The following POLRMT variants were observed in gnomAD, a reference collection of about 807,000 sequenced individuals.
POLRMT encodes the protein RNA polymerase mitochondrial, also known as DNA-directed RNA polymerase, mitochondrial.
A neutral mutation model predicts 132.2 loss-of-function variants in POLRMT; 114 were observed. The observed-to-expected ratio is 0.86, with a 90% CI of 0.74 to 1.01. The LOEUF is 1.01. POLRMT is among the 50% of genes least tolerant of loss of function. The probability of loss-of-function intolerance (pLI) is 0.00; values close to 1 mark genes in which losing one functional copy is unlikely to be tolerated. For synonymous variants in POLRMT, 1,020 were observed against 773.4 expected (o/e 1.32, Z -5.29); for missense variants, 2,003 against 1,729.1 (o/e 1.16, Z -2.81).
At chr19:633,077 G>T in intron 1 of POLRMT, 139 bp from the exon 2 acceptor site, 4 of 695,538 alleles carry the variant, frequency 5.8e-6, no homozygotes, top group Non-Finnish European at 8.9e-6. Context: ...AAGTTGGAAA[G>T]AAACTAAGAC....
rs757129827 is a variant in POLRMT at position 618,712 on chromosome 19, TGTCTCC to T, written c.3310_3315del (p.Gly1104_Asp1105del). 6.2e-7 allele frequency: 1 copy of T among 1,607,898 alleles called. No individual in the cohort carries two copies. Among genetic ancestry groups the T allele is most frequent in the Non-Finnish European group, 8.5e-7 (1 of 1,177,502 alleles). The stretch of plus-strand genomic sequence containing the variant: ...CCCGGGCCCCCCACTCACCGGCTGA[TGTCTCC>T]GTTGTGGGTGTAGGTGATGCTCTGA... On this transcript the variant is annotated inframe_deletion, in exon 16 of 21. Coordinates refer to ENST00000588649, the MANE Select transcript of POLRMT (RefSeq NM_005035.4).
chr19:622,806 C>G lies in POLRMT; in HGVS notation c.1455+15G>C. On this transcript the variant is annotated intron_variant, in intron 7 of 20. Transcript: ENST00000588649. ...CGCCCCGCCCGGGGACCCGGCCGCG[C>G]GGAGGAAGACGCACCTGCAGGAGCA... The G allele has an allele frequency of 6.3e-7, 1 of 1,579,090 alleles. No homozygotes were observed. The highest frequency in any genetic ancestry group is 8.6e-7 in the Non-Finnish European group (1 of 1,163,726).
chr19:617,241 C>G lies in POLRMT; in HGVS notation c.*33G>C. The G allele has an allele frequency of 6.2e-7, 1 of 1,611,312 alleles. No individual in the cohort carries two copies. The highest frequency in any genetic ancestry group is 8.5e-7 in the Non-Finnish European group (1 of 1,179,174). ...GTGGCTCCTGGGGGTGGCAAAAGAG[C>G]TTTATTTACACACTGACAAGGCTCA... On this transcript the variant is annotated 3_prime_UTR_variant, in exon 21 of 21. Transcript: ENST00000588649.
In POLRMT at chr19:619,726, G is replaced by A. The variant is rs1411244620; in HGVS notation, c.2926C>T (p.Arg976Trp). The change falls in exon 13 of 21, where the codon CGG becomes TGG. Residue 976 changes from arginine to tryptophan, a missense_variant. Coordinates refer to ENST00000588649, the MANE Select transcript of POLRMT (RefSeq NM_005035.4). ...FRRQDAQRGM[R>W]VAQVLEGFIT... is the part of the protein sequence containing the mutation. ...AAACCTTCCAGCACCTGTGCCACCCGCATGCCCCGCTGGGCGTCCTGCCTA... is the reference window on the plus strand; with the variant it reads ...AAACCTTCCAGCACCTGTGCCACCCACATGCCCCGCTGGGCGTCCTGCCTA... 4 of 1,599,460 alleles carry A rather than the reference G, an allele frequency of 2.5e-6. 1 individual carries two copies. The highest frequency in any genetic ancestry group is 2.2e-5 in the South Asian group (2 of 89,950).
At chr19:624,577 C>CA (rs768277260) in intron 5 of POLRMT, 142 bp downstream of exon 5, 438 of 968,554 alleles carry the variant, frequency 4.5e-4, no homozygotes, top group Non-Finnish European at 6.0e-4. Context: ...CCCATCTTCT[C>CA]AGAGGAGGAA....
chr19:618,776 G>C lies in POLRMT; in HGVS notation c.3268-16C>G, dbSNP rs755137639. ...CTCCTATTTGCTAAAAAGGGGAAGG[G>C]GCCGGTGAGTCCCACCCGAGGCCCA... On this transcript the variant is annotated splice_polypyrimidine_tract_variant and intron_variant, in intron 15 of 20. Transcript: ENST00000588649. 3.8e-6 allele frequency: 6 copies of C among 1,586,264 alleles called. No homozygotes were observed. The highest frequency in any genetic ancestry group is 5.1e-6 in the Non-Finnish European group (6 of 1,167,352).
chr19:617,250 C>T lies in POLRMT; in HGVS notation c.*24G>A, dbSNP rs1244869488. On this transcript the variant is annotated 3_prime_UTR_variant, in exon 21 of 21. Transcript: ENST00000588649. Reference sequence around the variant, plus strand: ...GGGGGTGGCAAAAGAGCTTTATTTACACACTGACAAGGCTCACGGGGTGTC... The same window carrying T: ...GGGGGTGGCAAAAGAGCTTTATTTATACACTGACAAGGCTCACGGGGTGTC... 3.7e-6 allele frequency: 6 copies of T among 1,612,138 alleles called. No individual in the cohort carries two copies. The highest frequency in any genetic ancestry group is 4.5e-5 in the East Asian group (2 of 44,868).
At chr19:619,324 T>A (rs760276057) in intron 13 of POLRMT, 28 bp from the exon 14 acceptor site, 3 of 1,600,412 alleles carry the variant, frequency 1.9e-6, no homozygotes, top group Non-Finnish European at 2.6e-6. Flanking sequence ...CAGGTGCAGG[T>A]CCTCAGGGGC....
chr19:624,525 G>A (rs962187986), intron 5 of POLRMT, among the ~76,000 whole-genome samples, 194 bp downstream of exon 5: 2 of 152,014 alleles, frequency 1.3e-5, no homozygotes, highest in African/African-American at 4.8e-5. Flanking sequence ...GTCCCCCTGA[G>A]CCCACACCCT....
At position 633,134 on chromosome 19, in the gene POLRMT, G is replaced by A. The variant is rs1985551558; in HGVS notation, c.89-196C>T. 1.0e-5 allele frequency: 6 copies of A among 597,850 alleles called. No homozygotes were observed. In the Admixed American group the frequency reaches 1.1e-4, roughly 11 times the overall value. 37.0% of individuals were successfully genotyped at this position (597,850 alleles called of 1,614,324 possible). Reference sequence around the variant, plus strand: ...CCGCGGCGAACACGGGCGCGGAACCGCCGAGAGAGGGTTCCTCGCACTCGA... The same window carrying A: ...CCGCGGCGAACACGGGCGCGGAACCACCGAGAGAGGGTTCCTCGCACTCGA... On this transcript the variant is annotated intron_variant, in intron 1 of 20. Transcript: ENST00000588649.
chr19:619,627 G>C lies in POLRMT; in HGVS notation c.3025C>G (p.Gln1009Glu), dbSNP rs1464681002. 6.2e-7 allele frequency: 1 copy of C among 1,610,742 alleles called. No individual in the cohort carries two copies. Among genetic ancestry groups the C allele is most frequent in the Non-Finnish European group, 8.5e-7 (1 of 1,179,644 alleles). ...YGVTRYGGRL[Q>E]IEKRLRELSD... ...AGCTCCCGGAGGCGCTTCTCAATCT[G>C]CAGGCGCCCGCCATAGCGCGTGACC... The change falls in exon 13 of 21, where the codon CAG becomes GAG. Residue 1009 changes from glutamine (Q) to glutamate (E), a missense_variant. Transcript: ENST00000588649.
At chr19:624,329 T>C (rs1265257283) in intron 5 of POLRMT, among the ~76,000 whole-genome samples, 1 of 152,164 alleles carries the variant, frequency 6.6e-6, no homozygotes, top group Non-Finnish European at 1.5e-5. Flanking sequence ...TTTAGGGTGA[T>C]GGAACATTCT....
At chr19:633,158 G>C (rs1013438396) in intron 1 of POLRMT, 3 of 592,490 alleles carry the variant, frequency 5.1e-6, no homozygotes, top group Non-Finnish European at 8.4e-6. Flanking sequence ...CCTCGCACTC[G>C]AGGTGCAGCA....
chr19:620,562 G>C, intron 10 of POLRMT, 75 bp from the exon 11 acceptor site: 2 of 1,447,670 alleles, frequency 1.4e-6, no homozygotes, highest in South Asian at 1.4e-5. Context: ...GTGTTGCGGG[G>C]AGGTGGGAAA....
rs749135593 is a variant in POLRMT at position 633,449 on chromosome 19, G to T, written c.64C>A (p.Arg22Ser). ...GLKRALRPCG[R>S]PGLPGKEGTA... The stretch of plus-strand genomic sequence containing the variant: ...CCTTCTTTGCCGGGGAGTCCCGGGC[G>T]GCCGCAAGGCCGTAGGGCTCGTTTG... The change falls in exon 1 of 21, where the codon CGC becomes AGC. Residue 22 changes from arginine to serine, a missense_variant. Physicochemically the swap from Arg to Ser is moderately radical, Grantham distance 110. Transcript: ENST00000588649. 2.6e-5 allele frequency: 40 copies of T among 1,555,912 alleles called. No individual in the cohort carries two copies. Among genetic ancestry groups the T allele is most frequent in the Non-Finnish European group, 3.4e-5 (39 of 1,150,200 alleles).
In POLRMT at chr19:619,777, G is replaced by A. The variant is rs1984357547; in HGVS notation, c.2887-12C>T. On this transcript the variant is annotated splice_polypyrimidine_tract_variant and intron_variant, in intron 12 of 20. Coordinates refer to ENST00000588649, the MANE Select transcript of POLRMT (RefSeq NM_005035.4). ...CGGAACACCTCCACCTGCACGGCGG[G>A]TGGGCCGGGGGCGCGGGTCAGCCCC... 3.9e-6 allele frequency: 6 copies of A among 1,556,572 alleles called. No individual in the cohort carries two copies. Among genetic ancestry groups the A allele is most frequent in the African/African-American group, 1.4e-5 (1 of 73,368 alleles).
At position 617,438 on chromosome 19, in the gene POLRMT, C is replaced by A. The variant is rs376410754; in HGVS notation, c.3624G>T (p.Leu1208=). ...ILEASQLKET[L]QAVPKPGAFD... is the part of the protein sequence containing the mutation. ...GCCTACCTGGCTTGGGCACCGCCTG[C>A]AGTGTCTCCTTCAGCTGGCTGGCCT... Residue 1208 remains leucine (L), a synonymous_variant, in exon 20 of 21, where the codon CTG becomes CTT. Coordinates refer to ENST00000588649, the MANE Select transcript of POLRMT (RefSeq NM_005035.4). 2.5e-6 allele frequency: 4 copies of A among 1,611,872 alleles called. No homozygotes were observed. Among genetic ancestry groups the A allele is most frequent in the Non-Finnish European group, 2.5e-6 (3 of 1,179,802 alleles).
In POLRMT at chr19:617,247, T is replaced by G. The variant is rs1220560985; in HGVS notation, c.*27A>C. On this transcript the variant is annotated 3_prime_UTR_variant, in exon 21 of 21. Transcript: ENST00000588649. ...CCTGGGGGTGGCAAAAGAGCTTTAT[T>G]TACACACTGACAAGGCTCACGGGGT... is the stretch of plus-strand genomic sequence containing the variant. 6 of 1,611,922 alleles carry G rather than the reference T, an allele frequency of 3.7e-6. No individual in the cohort carries two copies. The highest frequency in any genetic ancestry group is 8.5e-7 in the Non-Finnish European group (1 of 1,179,506).
chr19:629,564 G>C lies in POLRMT; in HGVS notation c.798C>G (p.Ala266=), dbSNP rs762014406. ...RKLLTLDMYN[A]VMLGWARQGA... ...CCTGCCGCGCCCAGCCAAGCATCACGGCGTTGTACATGTCCAGCGTGAGCA... is the reference window on the plus strand; with the variant it reads ...CCTGCCGCGCCCAGCCAAGCATCACCGCGTTGTACATGTCCAGCGTGAGCA... The change falls in exon 3 of 21, where the codon GCC becomes GCG. Residue 266 remains alanine, a synonymous_variant. Transcript: ENST00000588649. The C allele has an allele frequency of 1.9e-6, 3 of 1,547,144 alleles. No homozygotes were observed. Among genetic ancestry groups the C allele is most frequent in the Middle Eastern group, 4.8e-4 (2 of 4,172 alleles).
Sources: gnomAD v4.1 joint callset for allele counts (sites outside exome capture counted in the v4.1 genomes callset) on GRCh38, gnomAD v4.1.1 for gene constraint, MANE v1.5 for transcripts, NCBI Gene and HGNC (gene_info 2026-07-23, HGNC 2026-07-21) for gene names.